Variants in PPARGC1A observed in about 807,000 individuals in gnomAD.
PPARGC1A encodes peroxisome proliferator-activated receptor gamma coactivator 1-alpha.
In PPARGC1A, 25 loss-of-function variants were observed where a neutral mutation model predicts 88.7. The ratio of observed to expected loss-of-function variants is 0.28; its 90% CI spans 0.21 to 0.39. PPARGC1A has a LOEUF of 0.39. PPARGC1A is among the 10% of genes least tolerant of loss of function. The pLI is 1.00. For synonymous variants in PPARGC1A, 363 were observed against 355.6 expected (o/e 1.02, Z -0.24); for missense variants, 880 against 968.7 (o/e 0.91, Z 1.22).
the PPARGC1A span, among the ~76,000 whole-genome samples, chr4:24,076,659 C>G: frequency 1.3e-5 from 2 of 152,018 alleles, no homozygotes; most frequent in Non-Finnish European, 2.9e-5. Context: ...CTGTGAAATC[C>G]CAAACAAATC....
the PPARGC1A span, among the ~76,000 whole-genome samples, chr4:24,137,805 G>C: frequency 1.7e-4 from 26 of 152,272 alleles, no homozygotes; most frequent in Non-Finnish European, 1.6e-4. Flanking sequence ...TTGCGTACAA[G>C]CAAACAGCTT....
intron 10 of PPARGC1A, among the ~76,000 whole-genome samples, chr4:23,811,900 T>C (rs1341349267): frequency 8.5e-5 from 1 of 11,804 alleles, no homozygotes; most frequent in Non-Finnish European, 2.0e-4. Flanking sequence ...TTTTTTTTTT[T>C]TTTTTTTTTT....
chr4:23,884,379 T>A (rs1465392085), intron 2 of PPARGC1A: 1 of 268,136 alleles, frequency 3.7e-6, no homozygotes, highest in African/African-American at 2.2e-5. Context: ...TCTTATTTAT[T>A]AATTTATATG....
the PPARGC1A span, among the ~76,000 whole-genome samples, chr4:24,102,382 T>G: frequency 6.6e-6 from 1 of 152,168 alleles, no homozygotes. Flanking sequence ...ACAACACTGA[T>G]GTCCACACAG....
chr4:24,002,834 T>C, the PPARGC1A span, among the ~76,000 whole-genome samples: 1 of 152,220 alleles, frequency 6.6e-6, no homozygotes, highest in African/African-American at 2.4e-5. Flanking sequence ...GTCCCACTTT[T>C]GTTTGCTGTG....
At chr4:24,144,551 C>A in the PPARGC1A span, among the ~76,000 whole-genome samples, 46 of 151,932 alleles carry the variant, frequency 3.0e-4, no homozygotes, top group African/African-American at 1.0e-3. Flanking sequence ...TTTGCTGTAC[C>A]GTGTCCAGGG....
chr4:23,974,896 C>T, the PPARGC1A span, among the ~76,000 whole-genome samples: 1 of 143,722 alleles, frequency 7.0e-6, no homozygotes, highest in African/African-American at 2.6e-5. Context: ...ACCTCGTGAT[C>T]CGCCCACCTC....
the PPARGC1A span, among the ~76,000 whole-genome samples, chr4:24,128,457 T>C: frequency 1.3e-5 from 2 of 151,672 alleles, no homozygotes; most frequent in East Asian, 3.9e-4. Context: ...TCCTGAGAAG[T>C]TGCATGTCAG....
the PPARGC1A span, among the ~76,000 whole-genome samples, chr4:24,126,267 CCACACACA>C: frequency 6.8e-5 from 10 of 146,542 alleles, no homozygotes; most frequent in South Asian, 4.4e-4. Flanking sequence ...TGGCTTCTCA[CCACACACA>C]CACACACACA....
the PPARGC1A span, among the ~76,000 whole-genome samples, chr4:24,324,819 C>T: frequency 1.3e-5 from 2 of 152,128 alleles, no homozygotes. Context: ...CCCGCCTGTC[C>T]CCTCAGTCCC....
the PPARGC1A span, among the ~76,000 whole-genome samples, chr4:24,324,097 T>G: frequency 6.6e-6 from 1 of 152,232 alleles, no homozygotes; most frequent in Admixed American, 6.5e-5. Context: ...GAGACGCCTC[T>G]GTGATTATAC....
chr4:24,178,692 T>C, the PPARGC1A span, among the ~76,000 whole-genome samples: 1 of 152,192 alleles, frequency 6.6e-6, no homozygotes, highest in Non-Finnish European at 1.5e-5. Flanking sequence ...AACTTGAAAA[T>C]TATCACTAAG....
At chr4:24,039,685 C>A in the PPARGC1A span, among the ~76,000 whole-genome samples, 1 of 152,134 alleles carries the variant, frequency 6.6e-6, no homozygotes, top group Non-Finnish European at 1.5e-5. Flanking sequence ...CTTTCTATAA[C>A]CTCATTTCTT....
chr4:23,987,606 G>A, the PPARGC1A span, among the ~76,000 whole-genome samples: 249 of 151,956 alleles, frequency 1.6e-3, no homozygotes, highest in African/African-American at 5.4e-3. Flanking sequence ...ATGTCCATAA[G>A]CAGTGTCTCT....
intron 2 of PPARGC1A, chr4:23,881,714 CA>C (rs1055372210): frequency 1.3e-5 from 2 of 152,056 alleles, no homozygotes; most frequent in African/African-American, 2.4e-5. Context: ...TCTGGGAATC[CA>C]AAGTAGATAA....
chr4:24,301,223 C>T, the PPARGC1A span, among the ~76,000 whole-genome samples: 6 of 152,034 alleles, frequency 3.9e-5, no homozygotes, highest in East Asian at 1.9e-4. Context: ...CAATCTTCAT[C>T]GTAAAAAGAA....
the PPARGC1A span, among the ~76,000 whole-genome samples, chr4:24,395,654 T>C: frequency 6.6e-6 from 1 of 152,194 alleles, no homozygotes; most frequent in Non-Finnish European, 1.5e-5. Flanking sequence ...TCTCTTTAAT[T>C]TGTGGATTAC....
intron 2 of PPARGC1A, among the ~76,000 whole-genome samples, chr4:23,866,710 G>A (rs1712075439): frequency 6.6e-6 from 1 of 152,044 alleles, no homozygotes; most frequent in Non-Finnish European, 1.5e-5. Context: ...GACCAAACTT[G>A]TTCGGTACTG....
chr4:24,440,917 G>T, the PPARGC1A span, among the ~76,000 whole-genome samples: 2 of 152,138 alleles, frequency 1.3e-5, no homozygotes, highest in Non-Finnish European at 2.9e-5. Context: ...ATCTGCTTCT[G>T]TTGAAAACTC....
Sources: allele counts gnomAD v4.1 joint callset (sites outside exome capture counted in the v4.1 genomes callset), GRCh38; gene constraint gnomAD v4.1.1; transcripts MANE v1.5; gene names NCBI Gene and HGNC (gene_info 2026-07-23, HGNC 2026-07-21).